CERS4: variants seen among roughly 807,000 people sequenced by gnomAD.
The protein encoded by CERS4 is ceramide synthase 4.
Under a neutral mutation model 51.8 loss-of-function variants are expected in CERS4, and 65 were observed. The observed-to-expected ratio is 1.26, with a 90% CI of 1.03 to 1.54. The LOEUF (loss-of-function observed/expected upper bound fraction) is 1.54. Among genes scored for constraint, CERS4 ranks in the 40% most tolerant of loss-of-function variants. The probability of loss-of-function intolerance (pLI) is 0.00; values close to 1 mark genes in which losing one functional copy is unlikely to be tolerated. For missense variants in CERS4, 563 were observed against 500.4 expected (o/e 1.13, Z -1.19); for synonymous variants, 228 against 208.4 (o/e 1.09, Z -0.81).
At chr19:8,227,861 G>T (rs1295231468) in intron 2 of CERS4, among the ~76,000 whole-genome samples, 3 of 151,908 alleles carry the variant, frequency 2.0e-5, no homozygotes, top group Non-Finnish European at 2.9e-5. Context: ...GGATTTTCAG[G>T]TTTTTGTTGC....
intron 2 of CERS4, among the ~76,000 whole-genome samples, chr19:8,234,774 G>C (rs11883096): frequency 0.23 from 35,318 of 150,676 alleles, 4,250 homozygotes; most frequent in South Asian, 0.31. Context: ...GGCTGGTCTC[G>C]AACTCCTGAC....
intron 2 of CERS4, among the ~76,000 whole-genome samples, chr19:8,226,575 G>A (rs1269656545): frequency 1.3e-5 from 2 of 152,312 alleles, no homozygotes; most frequent in Non-Finnish European, 1.5e-5. Context: ...CCTGGAAGGT[G>A]GGCAGGGACA....
intron 10 of CERS4, 120 bp downstream of exon 10, chr19:8,258,105 G>T: frequency 1.2e-6 from 1 of 807,768 alleles, no homozygotes; most frequent in Non-Finnish European, 2.1e-6. Flanking sequence ...AGAGTTCCAG[G>T]AGGAGGCAGG....
chr19:8,251,377 T>G, intron 3 of CERS4, 128 bp downstream of exon 3: 1 of 1,415,648 alleles, frequency 7.1e-7, no homozygotes, highest in East Asian at 2.7e-5. Flanking sequence ...GCGCGTTCCC[T>G]GGCTCCAGCC....
intron 2 of CERS4, among the ~76,000 whole-genome samples, chr19:8,228,453 T>C (rs1314930129): frequency 1.3e-5 from 2 of 152,090 alleles, no homozygotes; most frequent in African/African-American, 2.4e-5. Flanking sequence ...AGTGGGCAGA[T>C]CACCTGAGGC....
intron 2 of CERS4, among the ~76,000 whole-genome samples, chr19:8,238,978 G>C (rs1481779010): frequency 6.6e-6 from 1 of 152,068 alleles, no homozygotes; most frequent in African/African-American, 2.4e-5. Context: ...GCATGCTCCT[G>C]TAGTCCCAGC....
intron 2 of CERS4, among the ~76,000 whole-genome samples, chr19:8,248,561 G>A (rs1451310388): frequency 6.6e-6 from 1 of 151,896 alleles, no homozygotes; most frequent in Non-Finnish European, 1.5e-5. Context: ...CAGATGTTTA[G>A]ATGGGTGGAC....
chr19:8,217,217 G>C (rs1052115520), intron 2 of CERS4, among the ~76,000 whole-genome samples: 7 of 152,116 alleles, frequency 4.6e-5, no homozygotes, highest in African/African-American at 1.4e-4. Context: ...GTGGGAGTGA[G>C]TGATGGGCTG....
intron 2 of CERS4, among the ~76,000 whole-genome samples, chr19:8,249,518 G>C (rs1392510225): frequency 6.7e-6 from 1 of 149,912 alleles, no homozygotes; most frequent in Non-Finnish European, 1.5e-5. Context: ...GGGATAGCAA[G>C]AGACCCCCCT....
intron 2 of CERS4, among the ~76,000 whole-genome samples, chr19:8,233,374 C>T (rs907668075): frequency 2.0e-5 from 3 of 151,918 alleles, no homozygotes; most frequent in African/African-American, 7.3e-5. Flanking sequence ...ACCATGTTGG[C>T]CAGGCTGGTC....
chr19:8,234,177 G>T (rs1968137263), intron 2 of CERS4, among the ~76,000 whole-genome samples: 3 of 151,946 alleles, frequency 2.0e-5, no homozygotes, highest in African/African-American at 7.3e-5. Context: ...ATGGTGGCAG[G>T]TGCCTGTAGT....
intron 10 of CERS4, among the ~76,000 whole-genome samples, chr19:8,259,327 C>T (rs150284373): frequency 4.6e-5 from 7 of 152,126 alleles, no homozygotes; most frequent in African/African-American, 1.7e-4. Context: ...TGAGGCAAGA[C>T]CATGCCCGGC....
intron 2 of CERS4, 103 bp from the exon 3 acceptor site, chr19:8,250,973 T>C: frequency 1.3e-6 from 2 of 1,483,778 alleles, no homozygotes; most frequent in Non-Finnish European, 1.8e-6. Flanking sequence ...ACTGCGCTGA[T>C]AGGGGCCCGA....
At chr19:8,248,696 T>C (rs990126894) in intron 2 of CERS4, among the ~76,000 whole-genome samples, 2 of 145,274 alleles carry the variant, frequency 1.4e-5, no homozygotes, top group African/African-American at 5.2e-5. Flanking sequence ...GATGGGGAGA[T>C]GGATGAATGG....
chr19:8,228,615 C>T (rs531624456), intron 2 of CERS4, among the ~76,000 whole-genome samples: 105 of 151,800 alleles, frequency 6.9e-4, no homozygotes, highest in African/African-American at 2.4e-3. Flanking sequence ...GCGGAGGTTG[C>T]AGTGAGCTGA....
intron 4 of CERS4, among the ~76,000 whole-genome samples, chr19:8,255,332 G>A (rs545261455): frequency 1.6e-4 from 25 of 152,238 alleles, no homozygotes; most frequent in Non-Finnish European, 2.6e-4. Context: ...AAGCCTATCC[G>A]GGGGTAGGGG....
Position 8,251,160 on chromosome 19 carries a change from G to A in CERS4, c.84G>A (p.Arg28=). 1.2e-6 allele frequency: 2 copies of A among 1,613,496 alleles called. No homozygotes were observed. Among genetic ancestry groups the A allele is most frequent in the African/African-American group, 2.7e-5 (2 of 75,040 alleles). The part of the protein sequence containing the change: ...PNVTWTELED[R]DGRVYPHPQD... ...TCACGTGGACAGAGCTAGAAGACCG[G>A]GATGGCCGTGTCTACCCCCACCCCC... The change falls in exon 3 of 12, where the codon CGG becomes CGA. Residue 28 remains arginine (R), a synonymous_variant. Transcript: ENST00000251363.
At chr19:8,253,133 T>A (rs1228031377) in intron 3 of CERS4, among the ~76,000 whole-genome samples, 4 of 152,196 alleles carry the variant, frequency 2.6e-5, no homozygotes, top group African/African-American at 9.6e-5. Flanking sequence ...GGAGGGATGG[T>A]GGATATAAAA....
chr19:8,224,293 G>A (rs1967692734), intron 2 of CERS4, among the ~76,000 whole-genome samples: 1 of 151,376 alleles, frequency 6.6e-6, no homozygotes, highest in African/African-American at 2.4e-5. Context: ...TGTAATCCCA[G>A]CTACTCAGGA....
Sources: allele counts gnomAD v4.1 joint callset (sites outside exome capture counted in the v4.1 genomes callset), GRCh38; gene constraint gnomAD v4.1.1; transcripts MANE v1.5; gene names NCBI Gene and HGNC (gene_info 2026-07-23, HGNC 2026-07-21).